The following MRTFB variants were observed in gnomAD, a reference collection of about 807,000 sequenced individuals.
MRTFB encodes myocardin related transcription factor B.
Under a neutral mutation model 104.2 loss-of-function variants are expected in MRTFB, and 29 were observed. The observed-to-expected ratio is 0.28, with a 90% CI of 0.21 to 0.38. The LOEUF is 0.38. Among genes scored for constraint, MRTFB ranks in the 10% least tolerant of loss-of-function variants. The pLI is 1.00. For missense variants in MRTFB, 1,270 were observed against 1,341.6 expected (o/e 0.95, Z 0.83); for synonymous variants, 535 against 519.5 (o/e 1.03, Z -0.41).
At chr16:14,235,478 C>T (rs1325329218) in intron 9 of MRTFB, among the ~76,000 whole-genome samples, 1 of 152,192 alleles carries the variant, frequency 6.6e-6, no homozygotes, top group Non-Finnish European at 1.5e-5. Context: ...CTCTGCCTCT[C>T]CCTCTCTCTG....
At chr16:14,166,608 C>G (rs574760107) in intron 3 of MRTFB, among the ~76,000 whole-genome samples, 1 of 152,236 alleles carries the variant, frequency 6.6e-6, no homozygotes, top group Non-Finnish European at 1.5e-5. Context: ...AACCCATCAC[C>G]TAGGTATTAA....
At chr16:14,140,174 T>C (rs570605341) in intron 2 of MRTFB, among the ~76,000 whole-genome samples, 2 of 152,336 alleles carry the variant, frequency 1.3e-5, no homozygotes, top group East Asian at 1.9e-4. Flanking sequence ...TTGCTTGATA[T>C]ATAGGAGTTA....
intron 8 of MRTFB, among the ~76,000 whole-genome samples, chr16:14,223,140 C>G (rs2041815779): frequency 6.6e-6 from 1 of 152,074 alleles, no homozygotes; most frequent in Non-Finnish European, 1.5e-5. Context: ...GACCCCATCT[C>G]TACTAAAAAT....
chr16:14,097,749 G>T (rs968023871), intron 2 of MRTFB, among the ~76,000 whole-genome samples: 2 of 152,146 alleles, frequency 1.3e-5, no homozygotes, highest in Non-Finnish European at 1.5e-5. Context: ...CTTTGCCCCT[G>T]TTTCCAGGCA....
chr16:14,210,205 G>T, intron 3 of MRTFB, 38 bp from the exon 4 acceptor site: 1 of 1,551,292 alleles, frequency 6.4e-7, no homozygotes, highest in Non-Finnish European at 8.9e-7. Context: ...TCCCACAGTT[G>T]CCGATAAACT....
intron 2 of MRTFB, among the ~76,000 whole-genome samples, chr16:14,081,890 T>C (rs1187778660): frequency 6.6e-6 from 1 of 152,210 alleles, no homozygotes; most frequent in East Asian, 1.9e-4. Context: ...CATTTTTTAA[T>C]TGGATTTTTT....
In MRTFB at chr16:14,261,528, G is replaced by A; in HGVS notation, c.*84G>A. The A allele has an allele frequency of 7.7e-7, 1 of 1,299,574 alleles. No homozygotes were observed. The allele number at this position is 1,299,574 out of a possible 1,614,324, so 80.5% of individuals were successfully genotyped here. A position where few individuals can be genotyped will look rare whatever the true frequency, so the allele number is the denominator to read the frequency against. On this transcript the variant is annotated 3_prime_UTR_variant, in exon 17 of 17. Coordinates refer to ENST00000571589, the MANE Select transcript of MRTFB (RefSeq NM_001308142.2). ...GTCAGTTTTTAGAGATAGATCTATA[G>A]TTGCATTGTTGCAATCAAAATATGT...
the MRTFB span, among the ~76,000 whole-genome samples, chr16:14,058,875 C>T: frequency 2.6e-5 from 4 of 151,634 alleles, no homozygotes; most frequent in South Asian, 2.1e-4. Flanking sequence ...CGTGCCACCA[C>T]GCCCAGCTAA....
At chr16:14,221,749 C>CT (rs1470011410) in intron 8 of MRTFB, among the ~76,000 whole-genome samples, 2 of 148,028 alleles carry the variant, frequency 1.4e-5, no homozygotes, top group African/African-American at 5.0e-5. Flanking sequence ...TAGTGGAGGA[C>CT]TAGCTTGATT....
intron 3 of MRTFB, among the ~76,000 whole-genome samples, chr16:14,146,218 T>A (rs2038304724): frequency 6.6e-6 from 1 of 152,204 alleles, no homozygotes; most frequent in African/African-American, 2.4e-5. Context: ...GCCAGCTGAT[T>A]TAGACTTTTG....
chr16:14,164,733 A>G (rs553075287), intron 3 of MRTFB, among the ~76,000 whole-genome samples: 28 of 152,310 alleles, frequency 1.8e-4, no homozygotes, highest in African/African-American at 6.0e-4. Context: ...TATGTTTTAC[A>G]AATAAGGGAC....
the MRTFB span, among the ~76,000 whole-genome samples, chr16:14,030,808 A>T: frequency 3.3e-5 from 5 of 152,328 alleles, no homozygotes; most frequent in African/African-American, 9.6e-5. Context: ...ATTCAAGCTG[A>T]TTATCCAAGG....
At chr16:14,219,774 GTTTA>G (rs1310849726) in intron 8 of MRTFB, among the ~76,000 whole-genome samples, 4 of 152,132 alleles carry the variant, frequency 2.6e-5, no homozygotes, top group South Asian at 2.1e-4. Flanking sequence ...TCTGAAATAT[GTTTA>G]TTTGTTTGTT....
intron 9 of MRTFB, among the ~76,000 whole-genome samples, chr16:14,236,145 C>T (rs956755938): frequency 3.9e-5 from 6 of 152,028 alleles, no homozygotes; most frequent in African/African-American, 1.5e-4. Flanking sequence ...CATGTGCCTG[C>T]ACTCCAGCCT....
intron 3 of MRTFB, chr16:14,150,972 C>T (rs1009795108): frequency 2.0e-5 from 3 of 152,174 alleles, no homozygotes; most frequent in African/African-American, 7.2e-5. Flanking sequence ...GTGAGAACCT[C>T]AAGAGATTAC....
chr16:14,022,850 C>T, the MRTFB span, among the ~76,000 whole-genome samples: 1 of 150,784 alleles, frequency 6.6e-6, no homozygotes. Flanking sequence ...GCGCCTGCAA[C>T]CACGCCTGGC....
chr16:14,062,987 T>C, the MRTFB span, among the ~76,000 whole-genome samples: 1 of 152,248 alleles, frequency 6.6e-6, no homozygotes, highest in Non-Finnish European at 1.5e-5. Flanking sequence ...GCCGACATCA[T>C]ACGGCTTGTC....
intron 3 of MRTFB, chr16:14,195,490 C>T (rs1254959978): frequency 1.0e-6 from 1 of 983,408 alleles, no homozygotes; most frequent in Non-Finnish European, 1.2e-6. Context: ...GTGTTTGTAT[C>T]AGCCCCATTC....
chr16:14,040,306 C>G, the MRTFB span, among the ~76,000 whole-genome samples: 4 of 152,198 alleles, frequency 2.6e-5, no homozygotes, highest in African/African-American at 4.8e-5. Flanking sequence ...CATCCTCTTA[C>G]ATGTCCTAGG....
Sources: allele counts gnomAD v4.1 joint callset (sites outside exome capture counted in the v4.1 genomes callset), GRCh38; gene constraint gnomAD v4.1.1; transcripts MANE v1.5; gene names NCBI Gene and HGNC (gene_info 2026-07-23, HGNC 2026-07-21).